The following ZFAT variants were observed in gnomAD, a reference collection of about 807,000 sequenced individuals.
ZFAT encodes zinc finger protein ZFAT.
ZFAT carries 64 observed loss-of-function variants against 117.7 expected under a neutral mutation model. The observed-to-expected ratio is 0.54, with a 90% confidence interval of 0.44 to 0.67. The LOEUF (loss-of-function observed/expected upper bound fraction) is 0.67. ZFAT is among the 30% of genes least tolerant of loss of function. ZFAT has a pLI of 0.00. For synonymous variants in ZFAT, 679 were observed against 615.0 expected (o/e 1.10, Z -1.54); for missense variants, 1,433 against 1,584.5 (o/e 0.90, Z 1.62).
chr8:134,807,195 T>C, the ZFAT span, among the ~76,000 whole-genome samples: 2 of 152,240 alleles, frequency 1.3e-5, no homozygotes, highest in Non-Finnish European at 2.9e-5. Flanking sequence ...CCATATATAA[T>C]GTATGCCATG....
chr8:134,684,972 G>A lies in ZFAT; in HGVS notation c.20-27235C>T, dbSNP rs190194923. ...TAGGAGTTTCCACGTGTCAGCCATG[G>A]GAAGGAGAGGAAGACATCAAGACTT... On this transcript the variant is annotated intron_variant, in intron 1 of 15. Transcript: ENST00000377838. 3.3e-5 allele frequency among the ~76,000 whole-genome samples: 5 copies of A among 152,300 alleles called. No individual in the cohort carries two copies. In the East Asian group the frequency reaches 9.7e-4, roughly 29 times the overall value.
intron 15 of ZFAT, among the ~76,000 whole-genome samples, chr8:134,491,414 T>C (rs575076832): frequency 3.3e-5 from 5 of 152,244 alleles, no homozygotes; most frequent in Non-Finnish European, 5.9e-5. Flanking sequence ...TATTTCATTT[T>C]CTTATTGTTG....
chr8:134,636,924 G>T (rs939379034), intron 3 of ZFAT, among the ~76,000 whole-genome samples: 3 of 152,226 alleles, frequency 2.0e-5, no homozygotes, highest in African/African-American at 7.2e-5. Context: ...AATGCCCACT[G>T]AAATCTAGTC....
chr8:134,629,952 A>C (rs934514822), intron 3 of ZFAT, among the ~76,000 whole-genome samples: 1 of 152,190 alleles, frequency 6.6e-6, no homozygotes, highest in Non-Finnish European at 1.5e-5. Context: ...GCTACCTTCA[A>C]GATGGTGGCT....
intron 12 of ZFAT, among the ~76,000 whole-genome samples, chr8:134,529,295 A>G (rs572047945): frequency 2.0e-5 from 3 of 152,306 alleles, no homozygotes; most frequent in Admixed American, 1.3e-4. Flanking sequence ...GCTTAGCACC[A>G]AAGTATCTGA....
intron 13 of ZFAT, among the ~76,000 whole-genome samples, chr8:134,520,382 T>C (rs532820412): frequency 1.6e-4 from 25 of 152,138 alleles, no homozygotes; most frequent in Middle Eastern, 6.8e-3. Context: ...AAAAGAGAGA[T>C]GGTTACTGGC....
intron 1 of ZFAT, among the ~76,000 whole-genome samples, chr8:134,708,458 G>A (rs989588811): frequency 1.2e-4 from 18 of 151,694 alleles, no homozygotes; most frequent in African/African-American, 3.6e-4. Flanking sequence ...TGTCGTTACA[G>A]TTTTTTTAAT....
the ZFAT span, among the ~76,000 whole-genome samples, chr8:134,746,488 C>T: frequency 1.3e-5 from 2 of 152,152 alleles, no homozygotes; most frequent in Non-Finnish European, 2.9e-5. Flanking sequence ...CATTGTTGGC[C>T]CATATTTAAA....
the ZFAT span, among the ~76,000 whole-genome samples, chr8:134,739,240 C>A: frequency 6.6e-6 from 1 of 152,002 alleles, no homozygotes; most frequent in Non-Finnish European, 1.5e-5. Context: ...AAAGAAAAAA[C>A]AAAGCAGCAA....
intron 11 of ZFAT, among the ~76,000 whole-genome samples, chr8:134,551,767 A>C (rs1049040634): frequency 6.6e-6 from 1 of 152,192 alleles, no homozygotes; most frequent in Non-Finnish European, 1.5e-5. Flanking sequence ...CCTTTGTTCA[A>C]CTGAGTACCC....
chr8:134,588,109 G>A, intron 9 of ZFAT, 137 bp downstream of exon 9: 2 of 1,043,790 alleles, frequency 1.9e-6, no homozygotes, highest in Non-Finnish European at 2.7e-6. Flanking sequence ...GCTGGTTGAT[G>A]GACACATCTC....
chr8:134,653,473 C>A (rs1158186068), intron 2 of ZFAT, among the ~76,000 whole-genome samples: 2 of 128,152 alleles, frequency 1.6e-5, no homozygotes, highest in Non-Finnish European at 3.1e-5. Flanking sequence ...TTATGTTGCA[C>A]AGGCTGGTCT....
chr8:134,761,982 ATGTG>A, the ZFAT span, among the ~76,000 whole-genome samples: 2,807 of 147,116 alleles, frequency 0.019, 88 homozygotes, highest in African/African-American at 0.062. Context: ...TTCTCTCTGT[ATGTG>A]TGTGTGTGTG....
At chr8:134,508,419 CTGAGT>C (rs1383791456) in intron 15 of ZFAT, among the ~76,000 whole-genome samples, 2 of 152,230 alleles carry the variant, frequency 1.3e-5, no homozygotes, top group Non-Finnish European at 2.9e-5. Context: ...AACCCCCTTC[CTGAGT>C]TAACTGTTTA....
chr8:134,604,421 T>C lies in ZFAT; in HGVS notation c.786-1488A>G, dbSNP rs1321218480. On this transcript the variant is annotated intron_variant, in intron 5 of 15. Transcript: ENST00000377838. Reference sequence around the variant, plus strand: ...GAAGTCTCCCTGTGTGGGGTTTCCATTGCTGTTGGAATGGCCAAGCCTTGT... The same window carrying C: ...GAAGTCTCCCTGTGTGGGGTTTCCACTGCTGTTGGAATGGCCAAGCCTTGT... Among the ~76,000 whole-genome samples the C allele has an allele frequency of 2.6e-5, 4 of 152,212 alleles. No individual in the cohort carries two copies. The South Asian group carries it at 6.2e-4, about 24-fold the overall frequency.
chr8:134,632,359 G>C (rs1829945685), intron 3 of ZFAT, among the ~76,000 whole-genome samples: 1 of 152,166 alleles, frequency 6.6e-6, no homozygotes, highest in South Asian at 2.1e-4. Context: ...CTATTGGTAA[G>C]GCTTCTGGCC....
At chr8:134,487,863 C>T (rs1217038021) in intron 15 of ZFAT, among the ~76,000 whole-genome samples, 4 of 152,262 alleles carry the variant, frequency 2.6e-5, no homozygotes, top group African/African-American at 7.2e-5. Flanking sequence ...CTGTGTCATG[C>T]TCTCCCTCGC....
At chr8:134,581,267 A>G (rs1586748019) in intron 10 of ZFAT, among the ~76,000 whole-genome samples, 1 of 152,252 alleles carries the variant, frequency 6.6e-6, no homozygotes, top group East Asian at 1.9e-4. Flanking sequence ...GTCCCAGGCA[A>G]AACATGAGAC....
intron 2 of ZFAT, among the ~76,000 whole-genome samples, chr8:134,644,073 CA>C (rs1464904985): frequency 1.3e-5 from 2 of 152,202 alleles, no homozygotes; most frequent in Non-Finnish European, 2.9e-5. Context: ...ACGTCTTTAG[CA>C]GCCTGAACTT....
Sources: gnomAD v4.1 joint callset for allele counts (sites outside exome capture counted in the v4.1 genomes callset) on GRCh38, gnomAD v4.1.1 for gene constraint, MANE v1.5 for transcripts, NCBI Gene and HGNC (gene_info 2026-07-23, HGNC 2026-07-21) for gene names.